The following FZD9 variants were observed in gnomAD, a reference collection of about 807,000 sequenced individuals.
FZD9 encodes the protein frizzled-9.
FZD9 carries 29 observed loss-of-function variants against 29.9 expected under a neutral mutation model. The observed-to-expected ratio is 0.97, with a 90% confidence interval of 0.72 to 1.32. The LOEUF is 1.32. Among genes scored for constraint, FZD9 ranks in the 40% most tolerant of loss-of-function variants. The pLI, the probability that FZD9 is intolerant of heterozygous loss-of-function variation, is 0.00. For synonymous variants in FZD9, 384 were observed against 393.9 expected (o/e 0.97, Z 0.30); for missense variants, 822 against 857.8 (o/e 0.96, Z 0.52).
rs782813094 is a variant in FZD9 at position 73,435,328 on chromosome 7, C to T, written c.1321C>T (p.Leu441=). The change falls in exon 1 of 1, where the codon CTG becomes TTG. Residue 441 remains leucine (L), a synonymous_variant. Coordinates refer to ENST00000344575, the MANE Select transcript of FZD9 (RefSeq NM_003508.3). ...GACGGGCGGCACCAACACAGAGAAG[C>T]TGGAGAAGCTCATGGTCAAGATCGG... The part of the protein sequence containing the change: ...MKTGGTNTEK[L]EKLMVKIGVF... 2.4e-5 allele frequency: 39 copies of T among 1,613,694 alleles called. No homozygotes were observed. The highest frequency in any genetic ancestry group is 3.1e-5 in the Non-Finnish European group (37 of 1,179,902).
In FZD9 at chr7:73,434,102, G is replaced by A. The variant is rs1305398764; in HGVS notation, c.95G>A (p.Arg32His). 2 of 1,408,384 alleles carry A rather than the reference G, an allele frequency of 1.4e-6. No homozygotes were observed. Among genetic ancestry groups the A allele is most frequent in the Non-Finnish European group, 1.8e-6 (2 of 1,088,350 alleles). 87.2% of individuals were successfully genotyped at this position (1,408,384 alleles called of 1,614,324 possible). ...ALEIGRFDPE[R>H]GRGAAPCQAV... is the part of the protein sequence containing the mutation. ...GAGATCGGCCGCTTCGACCCGGAGC[G>A]CGGGCGCGGGGCTGCGCCGTGCCAG... is the stretch of plus-strand genomic sequence containing the variant. The change falls in exon 1 of 1, where the codon CGC (arginine) becomes CAC (histidine). Residue 32 changes from arginine (R) to histidine (H), a missense_variant. Arg to His is a conservative substitution (Grantham distance 29). Coordinates refer to ENST00000344575, the MANE Select transcript of FZD9 (RefSeq NM_003508.3).
chr7:73,434,801 GC>G lies in FZD9; in HGVS notation c.798del (p.Ile267SerfsTer16), dbSNP rs2116178003. ...LEPHRFQYPE[R>X]PIIFLSMCYN... ...CCCCACCGCTTCCAGTACCCCGAGCGCCCCATCATCTTCCTCTCCATGTGCT... is the reference window on the plus strand; with the variant it reads ...CCCCACCGCTTCCAGTACCCCGAGCGCCCATCATCTTCCTCTCCATGTGCT... On this transcript the variant is annotated frameshift_variant, in exon 1 of 1. Coordinates refer to ENST00000344575, the MANE Select transcript of FZD9 (RefSeq NM_003508.3). LOFTEE classifies it high-confidence loss of function. 2.5e-6 allele frequency: 4 copies of G among 1,612,838 alleles called. No individual in the cohort carries two copies. The highest frequency in any genetic ancestry group is 2.2e-5 in the East Asian group (1 of 44,878).
rs201104999 is a variant in FZD9 at position 73,435,302 on chromosome 7, A to G, written c.1295A>G (p.Lys432Arg). The change falls in exon 1 of 1, where the codon AAG (lysine) becomes AGG (arginine). Residue 432 changes from lysine to arginine, a missense_variant. By Grantham distance (26) the Lys-to-Arg change is conservative. Coordinates refer to ENST00000344575, the MANE Select transcript of FZD9 (RefSeq NM_003508.3). ...VALFHIRKIM[K>R]TGGTNTEKLE... ...CTCTTCCACATCCGCAAGATCATGAAGACGGGCGGCACCAACACAGAGAAG... is the reference window on the plus strand; with the variant it reads ...CTCTTCCACATCCGCAAGATCATGAGGACGGGCGGCACCAACACAGAGAAG... 71 of 1,613,724 alleles carry G rather than the reference A, an allele frequency of 4.4e-5. No individual in the cohort carries two copies. Among genetic ancestry groups the G allele is most frequent in the Non-Finnish European group, 5.8e-5 (68 of 1,179,936 alleles).
In FZD9 at chr7:73,434,554, C is replaced by T. The variant is rs1331376416; in HGVS notation, c.547C>T (p.Pro183Ser). The change falls in exon 1 of 1, where the codon CCC (proline) becomes TCC (serine). Residue 183 changes from proline (P) to serine (S), a missense_variant. By Grantham distance (74) the Pro-to-Ser change is moderately conservative (BLOSUM62 -1). Coordinates refer to ENST00000344575, the MANE Select transcript of FZD9 (RefSeq NM_003508.3). ...LPVAPRPARP[P>S]GDLGPGAGGS... ...CGTGGCGCCGCGGCCCGCGCGCCCTCCCGGAGACCTGGGCCCGGGCGCGGG... is the reference window on the plus strand; with the variant it reads ...CGTGGCGCCGCGGCCCGCGCGCCCTTCCGGAGACCTGGGCCCGGGCGCGGG... 2.2e-5 allele frequency: 32 copies of T among 1,454,674 alleles called. No homozygotes were observed. Among genetic ancestry groups the T allele is most frequent in the Non-Finnish European group, 2.6e-5 (29 of 1,112,476 alleles). 90.1% of individuals were successfully genotyped at this position (1,454,674 alleles called of 1,614,324 possible). A position where few individuals can be genotyped will look rare whatever the true frequency, so the allele number is the denominator to read the frequency against.
rs368686112 is a variant in FZD9, at chr7:73,435,833, G to A, written c.*50G>A. On this transcript the variant is annotated 3_prime_UTR_variant, in exon 1 of 1. Coordinates refer to ENST00000344575, the MANE Select transcript of FZD9 (RefSeq NM_003508.3). ...CTGCTGCCCCCTCCTTGCCCTCCAC[G>A]CCCTGCCCCCTGCATCCCCTAGAGA... 3 of 1,527,122 alleles carry A rather than the reference G, an allele frequency of 2.0e-6. No individual in the cohort carries two copies. Among genetic ancestry groups the A allele is most frequent in the South Asian group, 1.3e-5 (1 of 76,962 alleles). The allele number at this position is 1,527,122 out of a possible 1,614,324, so 94.6% of individuals were successfully genotyped here. A position where few individuals can be genotyped will look rare whatever the true frequency, so the allele number is the denominator to read the frequency against.
chr7:73,435,906 C>T lies in FZD9; in HGVS notation c.*123C>T, dbSNP rs1259288548. 2.0e-5 allele frequency: 27 copies of T among 1,322,366 alleles called. No individual in the cohort carries two copies. Among genetic ancestry groups the T allele is most frequent in the East Asian group, 4.6e-5 (2 of 43,030 alleles). 81.9% of individuals were successfully genotyped at this position (1,322,366 alleles called of 1,614,324 possible). A position where few individuals can be genotyped will look rare whatever the true frequency, so the allele number is the denominator to read the frequency against. On this transcript the variant is annotated 3_prime_UTR_variant, in exon 1 of 1. Transcript: ENST00000344575. ...CTGTCAAGGTCAGGCAAGTGAGCAC[C>T]GGGGACTGAGGATCAGGGCGGGACC...
rs570248551 is a variant in FZD9 at position 73,434,529 on chromosome 7, C to T, written c.522C>T (p.Pro174=). The part of the protein sequence containing the change: ...AEPHKGLGML[P]VAPRPARPPG... ...CCCACAAGGGCCTGGGCATGCTGCCCGTGGCGCCGCGGCCCGCGCGCCCTC... is the reference window on the plus strand; with the variant it reads ...CCCACAAGGGCCTGGGCATGCTGCCTGTGGCGCCGCGGCCCGCGCGCCCTC... The change falls in exon 1 of 1, where the codon CCC becomes CCT. Residue 174 remains proline, a synonymous_variant. Coordinates refer to ENST00000344575, the MANE Select transcript of FZD9 (RefSeq NM_003508.3). 5.3e-3 allele frequency: 7,530 copies of T among 1,423,340 alleles called. 24 individuals carry two copies. Among genetic ancestry groups the T allele is most frequent in the Non-Finnish European group, 6.4e-3 (7,051 of 1,100,860 alleles). 88.2% of individuals were successfully genotyped at this position (1,423,340 alleles called of 1,614,324 possible). A position where few individuals can be genotyped will look rare whatever the true frequency, so the allele number is the denominator to read the frequency against.
At position 73,434,862 on chromosome 7, in the gene FZD9, G is replaced by C. The variant is rs1322973363; in HGVS notation, c.855G>C (p.Ala285=). The C allele has an allele frequency of 6.2e-7, 1 of 1,613,358 alleles. No homozygotes were observed. The highest frequency in any genetic ancestry group is 1.1e-5 in the South Asian group (1 of 91,092). The change falls in exon 1 of 1, where the codon GCG becomes GCC. Residue 285 remains alanine (A), a synonymous_variant. Transcript: ENST00000344575. ...ACTCGCTGGCCTTCCTGATCCGTGCGGTGGCCGGAGCGCAGAGCGTGGCCT... is the reference window on the plus strand; with the variant it reads ...ACTCGCTGGCCTTCCTGATCCGTGCCGTGGCCGGAGCGCAGAGCGTGGCCT... ...NVYSLAFLIR[A]VAGAQSVACD...
Position 73,434,175 on chromosome 7 carries a change from C to CA in FZD9, c.169dup (p.Met57AsnfsTer239), listed in dbSNP as rs1284253602. 2 of 1,573,048 alleles carry CA rather than the reference C, an allele frequency of 1.3e-6. No individual in the cohort carries two copies. Among genetic ancestry groups the CA allele is most frequent in the East Asian group, 4.7e-5 (2 of 42,290 alleles). On this transcript the variant is annotated frameshift_variant, in exon 1 of 1. Coordinates refer to ENST00000344575, the MANE Select transcript of FZD9 (RefSeq NM_003508.3). LOFTEE classifies it low-confidence loss of function (END_TRUNC). Reference sequence around the variant, plus strand: ...GCGGCATCGGCTACAACCTGACCCGCATGCCCAACCTGCTGGGCCACACGT... The same window carrying CA: ...GCGGCATCGGCTACAACCTGACCCGCAATGCCCAACCTGCTGGGCCACACGT...
In FZD9 at chr7:73,434,781, C is replaced by A. The variant is rs1034602722; in HGVS notation, c.774C>A (p.His258Gln). 2 of 1,612,702 alleles carry A rather than the reference C, an allele frequency of 1.2e-6. No homozygotes were observed. The highest frequency in any genetic ancestry group is 1.6e-4 in the Middle Eastern group (1 of 6,062). ...FTVLTFLLEPHRFQYPERPII... is the reference protein window; with the variant it reads ...FTVLTFLLEPQRFQYPERPII... ...TGCTCACCTTCTTGCTGGAGCCCCA[C>A]CGCTTCCAGTACCCCGAGCGCCCCA... Residue 258 changes from histidine (H) to glutamine (Q), a missense_variant, in exon 1 of 1, where the codon CAC becomes CAA. By Grantham distance (24) the His-to-Gln change is conservative. Transcript: ENST00000344575.
chr7:73,433,966 G>A lies in FZD9; in HGVS notation c.-42G>A. On this transcript the variant is annotated 5_prime_UTR_variant, in exon 1 of 1. It removes the in-frame stop codon of an upstream open reading frame in the 5' UTR. Transcript: ENST00000344575. ...GGGCGCGGGACCGCTGAGCCCGAGT[G>A]AGCCGGGGCCGCGCTCCCGCCTTCG... 8.6e-7 allele frequency: 1 copy of A among 1,165,270 alleles called. No homozygotes were observed. The highest frequency in any genetic ancestry group is 1.1e-6 in the Non-Finnish European group (1 of 945,572). 72.2% of individuals were successfully genotyped at this position (1,165,270 alleles called of 1,614,324 possible).
rs782349557 is a variant in FZD9 at position 73,434,841 on chromosome 7, G to T, written c.834G>T (p.Ser278=). The T allele has an allele frequency of 2.5e-6, 4 of 1,613,198 alleles. No homozygotes were observed. The highest frequency in any genetic ancestry group is 3.4e-6 in the Non-Finnish European group (4 of 1,180,006). Residue 278 remains serine, a synonymous_variant, in exon 1 of 1, where the codon TCG becomes TCT. Coordinates refer to ENST00000344575, the MANE Select transcript of FZD9 (RefSeq NM_003508.3). ...IFLSMCYNVY[S]LAFLIRAVAG... is the part of the protein sequence containing the mutation. ...TCTCCATGTGCTACAACGTCTACTC[G>T]CTGGCCTTCCTGATCCGTGCGGTGG... is the stretch of plus-strand genomic sequence containing the variant.
chr7:73,435,043 T>C lies in FZD9; in HGVS notation c.1036T>C (p.Trp346Arg). Residue 346 changes from tryptophan (W) to arginine (R), a missense_variant, in exon 1 of 1, where the codon TGG (tryptophan) becomes CGG (arginine). Transcript: ENST00000344575. ...LTWFLAAGKK[W>R]GHEAIEAHGS... is the part of the protein sequence containing the mutation. ...CTGGTTCCTGGCTGCCGGGAAGAAA[T>C]GGGGCCACGAGGCCATCGAGGCCCA... The C allele has an allele frequency of 1.9e-6, 3 of 1,613,738 alleles. No homozygotes were observed. Among genetic ancestry groups the C allele is most frequent in the Non-Finnish European group, 2.5e-6 (3 of 1,179,990 alleles).
chr7:73,435,848 T>A lies in FZD9; in HGVS notation c.*65T>A. The A allele has an allele frequency of 6.6e-7, 1 of 1,516,232 alleles. No individual in the cohort carries two copies. Among genetic ancestry groups the A allele is most frequent in the Non-Finnish European group, 8.8e-7 (1 of 1,131,118 alleles). The allele number at this position is 1,516,232 out of a possible 1,614,324, so 93.9% of individuals were successfully genotyped here. A position where few individuals can be genotyped will look rare whatever the true frequency, so the allele number is the denominator to read the frequency against. The stretch of plus-strand genomic sequence containing the variant: ...TGCCCTCCACGCCCTGCCCCCTGCA[T>A]CCCCTAGAGACAGCTGACTAGCAGC... On this transcript the variant is annotated 3_prime_UTR_variant, in exon 1 of 1. Transcript: ENST00000344575.
chr7:73,435,068 A>T lies in FZD9; in HGVS notation c.1061A>T (p.His354Leu). The T allele has an allele frequency of 6.2e-7, 1 of 1,613,090 alleles. No individual in the cohort carries two copies. The highest frequency in any genetic ancestry group is 1.7e-4 in the Middle Eastern group (1 of 6,058). ...KKWGHEAIEA[H>L]GSYFHMAAWG... ...TGGGGCCACGAGGCCATCGAGGCCCACGGCAGCTATTTCCACATGGCTGCC... is the reference window on the plus strand; with the variant it reads ...TGGGGCCACGAGGCCATCGAGGCCCTCGGCAGCTATTTCCACATGGCTGCC... The change falls in exon 1 of 1, where the codon CAC becomes CTC. Residue 354 changes from histidine to leucine, a missense_variant. Physicochemically the swap from His to Leu is moderately conservative, Grantham distance 99 (BLOSUM62 -3). Coordinates refer to ENST00000344575, the MANE Select transcript of FZD9 (RefSeq NM_003508.3).
rs1554563631 is a variant in FZD9 at position 73,435,561 on chromosome 7, G to A, written c.1554G>A (p.Leu518=). Residue 518 remains leucine, a synonymous_variant, in exon 1 of 1, where the codon CTG becomes CTA. Transcript: ENST00000344575. ...AVFMLKIFMS[L]VVGITSGVWV... ...TCATGCTCAAAATTTTCATGTCACT[G>A]GTGGTGGGGATCACCAGCGGCGTCT... 5.6e-6 allele frequency: 9 copies of A among 1,613,434 alleles called. No individual in the cohort carries two copies. Among genetic ancestry groups the A allele is most frequent in the Non-Finnish European group, 7.6e-6 (9 of 1,179,912 alleles).
In FZD9 at chr7:73,436,045, C is replaced by A. The variant is rs961572082; in HGVS notation, c.*262C>A. 3 of 434,406 alleles carry A rather than the reference C, an allele frequency of 6.9e-6. No homozygotes were observed. Among genetic ancestry groups the A allele is most frequent in the Non-Finnish European group, 8.4e-6 (2 of 237,954 alleles). The allele number at this position is 434,406 out of a possible 1,614,324, so 26.9% of individuals were successfully genotyped here. A position where few individuals can be genotyped will look rare whatever the true frequency, so the allele number is the denominator to read the frequency against. On this transcript the variant is annotated 3_prime_UTR_variant, in exon 1 of 1. Transcript: ENST00000344575. Reference sequence around the variant, plus strand: ...GGAGGGGCGGGGCAGAGGGGTCCAGCCGGAGTTTATTTAATGATGTAATTT... The same window carrying A: ...GGAGGGGCGGGGCAGAGGGGTCCAGACGGAGTTTATTTAATGATGTAATTT...
Position 73,435,566 on chromosome 7 carries a change from T to C in FZD9, c.1559T>C (p.Val520Ala). The C allele has an allele frequency of 6.2e-7, 1 of 1,613,302 alleles. No individual in the cohort carries two copies. Among genetic ancestry groups the C allele is most frequent in the Non-Finnish European group, 8.5e-7 (1 of 1,179,888 alleles). The part of the protein sequence containing the change: ...FMLKIFMSLV[V>A]GITSGVWVWS... ...CTCAAAATTTTCATGTCACTGGTGG[T>C]GGGGATCACCAGCGGCGTCTGGGTG... Residue 520 changes from valine (V) to alanine (A), a missense_variant, in exon 1 of 1, where the codon GTG becomes GCG. Physicochemically the swap from Val to Ala is moderately conservative, Grantham distance 64 (BLOSUM62 0). Coordinates refer to ENST00000344575, the MANE Select transcript of FZD9 (RefSeq NM_003508.3).
In FZD9 at chr7:73,434,318, T is replaced by A; in HGVS notation, c.311T>A (p.Val104Asp). 6.3e-7 allele frequency: 1 copy of A among 1,585,580 alleles called. No individual in the cohort carries two copies. The highest frequency in any genetic ancestry group is 8.5e-7 in the Non-Finnish European group (1 of 1,173,104). The change falls in exon 1 of 1, where the codon GTC becomes GAC. Residue 104 changes from valine to aspartate, a missense_variant. By Grantham distance (152) the Val-to-Asp change is radical. Transcript: ENST00000344575. ...SLYAPMCTDQ[V>D]STPIPACRPM... is the part of the protein sequence containing the mutation. ...TACGCGCCCATGTGCACCGACCAGGTCTCGACGCCCATTCCCGCCTGCCGG... is the reference window on the plus strand; with the variant it reads ...TACGCGCCCATGTGCACCGACCAGGACTCGACGCCCATTCCCGCCTGCCGG...
Sources: gnomAD v4.1 joint callset for allele counts on GRCh38, gnomAD v4.1.1 for gene constraint, MANE v1.5 for transcripts, NCBI Gene and HGNC (gene_info 2026-07-23, HGNC 2026-07-21) for gene names.